Variants in FN3KRP observed in about 807,000 individuals in gnomAD.
FN3KRP encodes the protein ketosamine-3-kinase.
FN3KRP carries 33 observed loss-of-function variants against 29.8 expected under a neutral mutation model. The observed-to-expected ratio is 1.11, with a 90% confidence interval of 0.84 to 1.48. The LOEUF (loss-of-function observed/expected upper bound fraction) is 1.48. Ranked by LOEUF, FN3KRP falls within the 40% of genes most tolerant of loss-of-function variation. FN3KRP has a pLI of 0.00. For synonymous variants in FN3KRP, 157 were observed against 155.2 expected (o/e 1.01, Z -0.09); for missense variants, 430 against 402.6 (o/e 1.07, Z -0.58).
chr17:82,717,395 C>G (rs1436832316), intron 1 of FN3KRP, among the ~76,000 whole-genome samples: 1 of 152,180 alleles, frequency 6.6e-6, no homozygotes, highest in Non-Finnish European at 1.5e-5. Flanking sequence ...CTGCGCCTCA[C>G]CACACCCTGG....
Position 82,720,363 on chromosome 17 carries a change from G to T in FN3KRP, c.385G>T (p.Gly129Trp). Residue 129 changes from glycine (G) to tryptophan (W), a missense_variant and splice_region_variant, in exon 3 of 6, where the codon GGG becomes TGG. By Grantham distance (184) the Gly-to-Trp change is radical (BLOSUM62 -2). Coordinates refer to ENST00000269373, the MANE Select transcript of FN3KRP (RefSeq NM_024619.4). ...EMRLKEAGTV[G>W]RGGGQEERPF... ...GCGCCTGAAGGAGGCGGGCACAGTG[G>T]GTATGGCACTGCGCGGGCCACGGGT... The T allele has an allele frequency of 6.2e-7, 1 of 1,612,306 alleles. No homozygotes were observed.
At chr17:82,726,786 A>C in intron 5 of FN3KRP, 47 bp from the exon 6 acceptor site, 1 of 1,509,306 alleles carries the variant, frequency 6.6e-7, no homozygotes, top group African/African-American at 1.4e-5. Context: ...GGCGCCCCTC[A>C]TGCACGCGTT....
intron 3 of FN3KRP, chr17:82,720,663 C>T: frequency 3.9e-6 from 1 of 255,364 alleles, no homozygotes; most frequent in South Asian, 9.8e-5. Flanking sequence ...GGCTCTCTGG[C>T]TGTCTGTAAA....
At chr17:82,719,394 C>T (rs181822818) in intron 2 of FN3KRP, among the ~76,000 whole-genome samples, 5 of 152,370 alleles carry the variant, frequency 3.3e-5, no homozygotes, top group African/African-American at 4.8e-5. Context: ...GCAGAATGAA[C>T]GGCAGGCACT....
Position 82,716,744 on chromosome 17 carries a change from C to A in FN3KRP, c.-12C>A. The A allele has an allele frequency of 6.7e-7, 1 of 1,482,750 alleles. No homozygotes were observed. The highest frequency in any genetic ancestry group is 8.9e-7 in the Non-Finnish European group (1 of 1,122,388). The allele number at this position is 1,482,750 out of a possible 1,614,324, so 91.8% of individuals were successfully genotyped here. A position where few individuals can be genotyped will look rare whatever the true frequency, so the allele number is the denominator to read the frequency against. ...GCCAGATCCGGGGCGGGTCCGCGGC[C>A]GCGGCGGGAACATGGAGGAGCTCCT... On this transcript the variant is annotated 5_prime_UTR_variant, in exon 1 of 6. Transcript: ENST00000269373.
At chr17:82,716,936 T>C in intron 1 of FN3KRP, 40 bp downstream of exon 1, 1 of 1,554,074 alleles carries the variant, frequency 6.4e-7, no homozygotes, top group Middle Eastern at 1.8e-4. Context: ...ACCGGTTTCT[T>C]TCCGGAGAGG....
chr17:82,727,178 C>T lies in FN3KRP; in HGVS notation c.*7C>T. The T allele has an allele frequency of 1.2e-6, 2 of 1,609,592 alleles. No individual in the cohort carries two copies. The highest frequency in any genetic ancestry group is 1.7e-6 in the Non-Finnish European group (2 of 1,176,944). ...GAGGAATCTGGTCAAGTGAGCGGGCCTTACTCTGGAAGGAGGCCTCAGAGG... is the reference window on the plus strand; with the variant it reads ...GAGGAATCTGGTCAAGTGAGCGGGCTTTACTCTGGAAGGAGGCCTCAGAGG... On this transcript the variant is annotated 3_prime_UTR_variant, in exon 6 of 6. Coordinates refer to ENST00000269373, the MANE Select transcript of FN3KRP (RefSeq NM_024619.4).
rs1440308992 is a variant in FN3KRP at position 82,718,890 on chromosome 17, C to G, written c.142-16C>G. 4 of 1,609,898 alleles carry G rather than the reference C, an allele frequency of 2.5e-6. No homozygotes were observed. The South Asian group carries it at 4.4e-5, about 18-fold the overall frequency. On this transcript the variant is annotated splice_polypyrimidine_tract_variant and intron_variant, in intron 1 of 5. Coordinates refer to ENST00000269373, the MANE Select transcript of FN3KRP (RefSeq NM_024619.4). ...GCCTCCCTGTATTTCCACTTCCTCT[C>G]GTATTTTTCTGACAGGCCAGAAGAA...
Position 82,716,873 on chromosome 17 carries a change from G to T in FN3KRP, c.118G>T (p.Val40Leu). 2 of 1,567,476 alleles carry T rather than the reference G, an allele frequency of 1.3e-6. No homozygotes were observed. The highest frequency in any genetic ancestry group is 5.2e-5 in the East Asian group (2 of 38,488). ...SYDTDQGRVF[V>L]KVNPKAEARR... The stretch of plus-strand genomic sequence containing the variant: ...CGACACGGATCAAGGACGAGTGTTC[G>T]TGAAAGTGAACCCCAAGGCGGAGGT... The change falls in exon 1 of 6, where the codon GTG (valine) becomes TTG (leucine). Residue 40 changes from valine to leucine, a missense_variant. Transcript: ENST00000269373.
At chr17:82,724,388 GT>G (rs2046822446) in intron 4 of FN3KRP, among the ~76,000 whole-genome samples, 1 of 152,006 alleles carries the variant, frequency 6.6e-6, no homozygotes, top group Non-Finnish European at 1.5e-5. Flanking sequence ...GGCAGATCAC[GT>G]GAGGTAGAGT....
chr17:82,717,968 TGAGGATGGGA>T (rs996736915), intron 1 of FN3KRP, among the ~76,000 whole-genome samples: 60 of 151,844 alleles, frequency 4.0e-4, no homozygotes, highest in Non-Finnish European at 7.4e-4. Context: ...GAGCCCCAGG[TGAGGATGGGA>T]GAGTGGGCAG....
intron 4 of FN3KRP, among the ~76,000 whole-genome samples, chr17:82,726,090 G>T (rs939857923): frequency 6.6e-6 from 1 of 152,114 alleles, no homozygotes; most frequent in Admixed American, 6.6e-5. Context: ...TGAGGCAGGA[G>T]AATTGCTTGA....
Position 82,716,772 on chromosome 17 carries a change from G to GGC in FN3KRP, c.21_22dup (p.Glu8AlafsTer34). ...GGCGGGAACATGGAGGAGCTCCTGA[G>GGC]GCGCGAGCTGGGCTGCAGCTCTGTC... is the stretch of plus-strand genomic sequence containing the variant. On this transcript the variant is annotated frameshift_variant, in exon 1 of 6. Transcript: ENST00000269373. LOFTEE classifies it high-confidence loss of function. The GGC allele has an allele frequency of 6.5e-7, 1 of 1,529,258 alleles. No homozygotes were observed. Among genetic ancestry groups the GGC allele is most frequent in the Non-Finnish European group, 8.7e-7 (1 of 1,146,300 alleles). The allele number at this position is 1,529,258 out of a possible 1,614,324, so 94.7% of individuals were successfully genotyped here. A position where few individuals can be genotyped will look rare whatever the true frequency, so the allele number is the denominator to read the frequency against.
intron 3 of FN3KRP, chr17:82,720,958 C>A (rs1362151879): frequency 6.6e-6 from 1 of 152,308 alleles, no homozygotes; most frequent in East Asian, 1.9e-4. Flanking sequence ...ACCCAGGCGG[C>A]CTGTGTGGTG....
chr17:82,727,194 G>T lies in FN3KRP; in HGVS notation c.*23G>T. On this transcript the variant is annotated 3_prime_UTR_variant, in exon 6 of 6. Transcript: ENST00000269373. ...TGAGCGGGCCTTACTCTGGAAGGAG[G>T]CCTCAGAGGTTTCTCCACAGTCCTC... The T allele has an allele frequency of 6.3e-7, 1 of 1,599,626 alleles. No homozygotes were observed. The highest frequency in any genetic ancestry group is 8.5e-7 in the Non-Finnish European group (1 of 1,170,782).
intron 4 of FN3KRP, among the ~76,000 whole-genome samples, chr17:82,723,652 T>G (rs1171897187): frequency 1.3e-5 from 2 of 152,022 alleles, no homozygotes; most frequent in African/African-American, 4.8e-5. Context: ...TGTGCATGTG[T>G]GTACGCGTGT....
At position 82,727,065 on chromosome 17, in the gene FN3KRP, A is replaced by C; in HGVS notation, c.824A>C (p.Lys275Thr). The change falls in exon 6 of 6, where the codon AAG becomes ACG. Residue 275 changes from lysine (K) to threonine (T), a missense_variant. Physicochemically the swap from Lys to Thr is moderately conservative, Grantham distance 78. Transcript: ENST00000269373. ...ATCCCCAAGGCCCCAGGATTCGAGA[A>C]GCGCCTTCAGTTGTATCAGCTCTTT... Reference protein sequence around the residue: ...GKIPKAPGFEKRLQLYQLFHY... With the variant: ...GKIPKAPGFETRLQLYQLFHY... 1.2e-6 allele frequency: 2 copies of C among 1,614,148 alleles called. No homozygotes were observed. The highest frequency in any genetic ancestry group is 1.7e-6 in the Non-Finnish European group (2 of 1,180,038).
intron 1 of FN3KRP, chr17:82,718,663 C>G: frequency 8.0e-7 from 1 of 1,253,942 alleles, no homozygotes; most frequent in Non-Finnish European, 1.0e-6. Flanking sequence ...CCCAATTCAA[C>G]CACAGCACAC....
intron 4 of FN3KRP, among the ~76,000 whole-genome samples, chr17:82,726,029 A>G (rs1291185547): frequency 6.6e-6 from 1 of 151,998 alleles, no homozygotes; most frequent in Non-Finnish European, 1.5e-5. Context: ...AATACAAAAA[A>G]ATTAGCCGGG....
Sources: allele counts gnomAD v4.1 joint callset (sites outside exome capture counted in the v4.1 genomes callset), GRCh38; gene constraint gnomAD v4.1.1; transcripts MANE v1.5; gene names NCBI Gene and HGNC (gene_info 2026-07-23, HGNC 2026-07-21).